DEPDC1B: variants seen among roughly 807,000 people sequenced by gnomAD.
DEPDC1B encodes the protein DEP domain-containing protein 1B.
In DEPDC1B, 51 loss-of-function variants were observed where a neutral mutation model predicts 66.5. That is an observed-to-expected ratio of 0.77 (90% CI 0.61 to 0.97). DEPDC1B has a LOEUF of 0.97. Ranked by LOEUF, DEPDC1B falls within the 50% of genes least tolerant of loss-of-function variation. The pLI is 0.00. For synonymous variants in DEPDC1B, 226 were observed against 223.6 expected (o/e 1.01, Z -0.10); for missense variants, 552 against 637.1 (o/e 0.87, Z 1.44).
intron 2 of DEPDC1B, among the ~76,000 whole-genome samples, chr5:60,649,416 T>C (rs1753391746): frequency 6.6e-6 from 1 of 152,234 alleles, no homozygotes; most frequent in Non-Finnish European, 1.5e-5. Flanking sequence ...CTGTCAGTAA[T>C]ATCTGCAGTT....
At chr5:60,604,557 C>A (rs943422797) in intron 8 of DEPDC1B, among the ~76,000 whole-genome samples, 1 of 151,986 alleles carries the variant, frequency 6.6e-6, no homozygotes, top group African/African-American at 2.4e-5. Flanking sequence ...TTTGGACTGG[C>A]TTTTGTTTTG....
At chr5:60,657,035 T>G (rs1183114082) in intron 2 of DEPDC1B, among the ~76,000 whole-genome samples, 3 of 152,268 alleles carry the variant, frequency 2.0e-5, no homozygotes, top group African/African-American at 7.2e-5. Context: ...TTTTTATCAT[T>G]ATATAATATT....
Position 60,613,755 on chromosome 5 carries a change from A to G in DEPDC1B, c.899-7899T>C, listed in dbSNP as rs141458766. Among the ~76,000 whole-genome samples the G allele has an allele frequency of 1.4e-4, 22 of 151,752 alleles. 1 individual carries two copies. The highest frequency in any genetic ancestry group is 5.3e-4 in the African/African-American group (22 of 41,322). ...TTTCCTCAAAATGAGATGAACTAAG[A>G]CAGTCCATGAAAAAAGGTTGTTACA... On this transcript the variant is annotated intron_variant, in intron 7 of 10. Coordinates refer to ENST00000265036, the MANE Select transcript of DEPDC1B (RefSeq NM_018369.3).
At chr5:60,631,673 C>T (rs562586513) in intron 7 of DEPDC1B, among the ~76,000 whole-genome samples, 3 of 152,276 alleles carry the variant, frequency 2.0e-5, no homozygotes, top group South Asian at 4.1e-4. Flanking sequence ...ACAGATATCT[C>T]CAAATGGGCC....
chr5:60,634,999 C>T (rs187121392), intron 7 of DEPDC1B, among the ~76,000 whole-genome samples: 4 of 144,942 alleles, frequency 2.8e-5, no homozygotes, highest in East Asian at 4.5e-4. Context: ...ATGGAGGTTG[C>T]GGTGAGCTGA....
intron 2 of DEPDC1B, among the ~76,000 whole-genome samples, chr5:60,664,269 T>A (rs911984127): frequency 2.0e-5 from 3 of 152,336 alleles, no homozygotes; most frequent in African/African-American, 7.2e-5. Context: ...AGGAAATTTA[T>A]GTAGTGACAA....
chr5:60,665,775 T>G (rs1178143516), intron 2 of DEPDC1B, among the ~76,000 whole-genome samples: 1 of 152,178 alleles, frequency 6.6e-6, no homozygotes, highest in Admixed American at 6.5e-5. Context: ...TGACTGCACC[T>G]ACCTTTAAAC....
intron 2 of DEPDC1B, among the ~76,000 whole-genome samples, chr5:60,663,142 C>T (rs1753759122): frequency 6.6e-6 from 1 of 152,072 alleles, no homozygotes; most frequent in South Asian, 2.1e-4. Flanking sequence ...TTTTTGTCCC[C>T]TACTTAAGGA....
At chr5:60,682,277 A>G (rs1482266901) in intron 2 of DEPDC1B, among the ~76,000 whole-genome samples, 1 of 152,158 alleles carries the variant, frequency 6.6e-6, no homozygotes, top group East Asian at 1.9e-4. Context: ...AAAAAACCAA[A>G]CACCACATGT....
Position 60,642,793 on chromosome 5 carries a change from G to T in DEPDC1B, c.757+19C>A. On this transcript the variant is annotated intron_variant, in intron 6 of 10. Coordinates refer to ENST00000265036, the MANE Select transcript of DEPDC1B (RefSeq NM_018369.3). ...AATTTCTGTTAATTTCACAAAACTGGCAGATAATTAGTACTTACAATTTGC... is the reference window on the plus strand; with the variant it reads ...AATTTCTGTTAATTTCACAAAACTGTCAGATAATTAGTACTTACAATTTGC... The T allele has an allele frequency of 6.3e-7, 1 of 1,598,796 alleles. No homozygotes were observed. Among genetic ancestry groups the T allele is most frequent in the Non-Finnish European group, 8.5e-7 (1 of 1,172,528 alleles).
chr5:60,617,039 G>C (rs1352587568), intron 7 of DEPDC1B, among the ~76,000 whole-genome samples: 1 of 152,130 alleles, frequency 6.6e-6, no homozygotes, highest in Admixed American at 6.5e-5. Flanking sequence ...GCCAAACTAA[G>C]CTTCATAAGT....
At position 60,645,871 on chromosome 5, in the gene DEPDC1B, G is replaced by C. The variant is rs1753304880; in HGVS notation, c.451-252C>G. Reference sequence around the variant, plus strand: ...CATGAATTACAAAAGAGCTATGGCAGTAAGTATGGCATTAACTAGCTAATT... The same window carrying C: ...CATGAATTACAAAAGAGCTATGGCACTAAGTATGGCATTAACTAGCTAATT... On this transcript the variant is annotated intron_variant, in intron 3 of 10. Transcript: ENST00000265036. Among the ~76,000 whole-genome samples the C allele has an allele frequency of 2.0e-5, 3 of 152,206 alleles. No homozygotes were observed. The South Asian group carries it at 6.2e-4, about 32-fold the overall frequency.
chr5:60,663,282 G>C (rs1432567950), intron 2 of DEPDC1B, among the ~76,000 whole-genome samples: 1 of 152,086 alleles, frequency 6.6e-6, no homozygotes, highest in Non-Finnish European at 1.5e-5. Flanking sequence ...TTAGACCCGA[G>C]GACCAATAAG....
At chr5:60,671,487 G>A (rs1027289790) in intron 2 of DEPDC1B, among the ~76,000 whole-genome samples, 3 of 152,188 alleles carry the variant, frequency 2.0e-5, no homozygotes, top group African/African-American at 7.2e-5. Context: ...CCTTCCAGAA[G>A]ACCTAAGACT....
chr5:60,696,794 A>G (rs1449707569), intron 1 of DEPDC1B, among the ~76,000 whole-genome samples: 1 of 152,176 alleles, frequency 6.6e-6, no homozygotes, highest in Admixed American at 6.5e-5. Flanking sequence ...GAGGCAAACT[A>G]TAAGACATAC....
intron 2 of DEPDC1B, 27 bp downstream of exon 2, chr5:60,686,935 C>T (rs1754424296): frequency 6.2e-7 from 1 of 1,611,122 alleles, no homozygotes; most frequent in Non-Finnish European, 8.5e-7. Flanking sequence ...CAATTCCTCA[C>T]CTTCCAGGTT....
chr5:60,617,758 G>A (rs574465942), intron 7 of DEPDC1B, among the ~76,000 whole-genome samples: 3 of 152,108 alleles, frequency 2.0e-5, no homozygotes, highest in African/African-American at 4.8e-5. Flanking sequence ...GGATATCCAG[G>A]AACTGAACTC....
intron 7 of DEPDC1B, among the ~76,000 whole-genome samples, chr5:60,629,667 A>G (rs1388947354): frequency 6.6e-6 from 1 of 152,228 alleles, no homozygotes; most frequent in African/African-American, 2.4e-5. Context: ...CTATTCAGAA[A>G]CATCTATTCA....
intron 8 of DEPDC1B, among the ~76,000 whole-genome samples, chr5:60,604,572 GT>G (rs796788638): frequency 6.6e-6 from 1 of 151,746 alleles, no homozygotes; most frequent in Non-Finnish European, 1.5e-5. Context: ...GTTTTGTTTT[GT>G]TTTTTCCTAC....
Sources: allele counts gnomAD v4.1 joint callset (sites outside exome capture counted in the v4.1 genomes callset), GRCh38; gene constraint gnomAD v4.1.1; transcripts MANE v1.5; gene names NCBI Gene and HGNC (gene_info 2026-07-23, HGNC 2026-07-21).